Variants in TMED2 observed in about 807,000 individuals in gnomAD.
TMED2 encodes transmembrane p24 trafficking protein 2.
TMED2 carries 3 observed loss-of-function variants against 17.5 expected under a neutral mutation model. The observed-to-expected ratio is 0.17, with a 90% confidence interval of 0.08 to 0.44. The LOEUF is 0.44. Among genes scored for constraint, TMED2 ranks in the 20% least tolerant of loss-of-function variants. The pLI, the probability that TMED2 is intolerant of heterozygous loss-of-function variation, is 0.99. For synonymous variants in TMED2, 95 were observed against 91.0 expected, an observed-to-expected ratio of 1.04 and a Z score of -0.25; for missense variants, 149 against 254.8, an observed-to-expected ratio of 0.58 and a Z score of 2.83.
At position 123,596,798 on chromosome 12, in the gene TMED2, A is replaced by G; in HGVS notation, c.*69A>G. On this transcript the variant is annotated 3_prime_UTR_variant, in exon 4 of 4. Coordinates refer to ENST00000262225, the MANE Select transcript of TMED2 (RefSeq NM_006815.4). The stretch of plus-strand genomic sequence containing the variant: ...CAAACACCTTGGTCATAATAATGTC[A>G]TTAGTTTCTCCATTTTTATTTTCTG... 6.9e-7 allele frequency: 1 copy of G among 1,444,894 alleles called. No individual in the cohort carries two copies. The highest frequency in any genetic ancestry group is 1.4e-5 in the African/African-American group (1 of 69,062). 89.5% of individuals were successfully genotyped at this position (1,444,894 alleles called of 1,614,324 possible). A position where few individuals can be genotyped will look rare whatever the true frequency, so the allele number is the denominator to read the frequency against.
At chr12:123,596,477 A>G (rs1953431619) in intron 3 of TMED2, 128 bp from the exon 4 acceptor site, 1 of 1,214,588 alleles carries the variant, frequency 8.2e-7, no homozygotes. Context: ...TAAGTTGAGG[A>G]ACATCTATTC....
rs1439499212 is a variant in TMED2, at chr12:123,596,752, A to C, written c.*23A>C. On this transcript the variant is annotated 3_prime_UTR_variant, in exon 4 of 4. Transcript: ENST00000262225. ...TAAAAAGCCTCTTCCTGATGATCCCAACTCAGAATTCACTGTTTACCAAAC... is the reference window on the plus strand; with the variant it reads ...TAAAAAGCCTCTTCCTGATGATCCCCACTCAGAATTCACTGTTTACCAAAC... The C allele has an allele frequency of 6.3e-7, 1 of 1,583,218 alleles. No homozygotes were observed. The highest frequency in any genetic ancestry group is 8.6e-7 in the Non-Finnish European group (1 of 1,168,060).
At chr12:123,595,668 A>C (rs1393298073) in intron 3 of TMED2, among the ~76,000 whole-genome samples, 2 of 152,116 alleles carry the variant, frequency 1.3e-5, no homozygotes, top group Admixed American at 1.3e-4. Flanking sequence ...TTTTAACCCT[A>C]GAATTATGAC....
chr12:123,595,010 C>A (rs1265458443), intron 3 of TMED2, among the ~76,000 whole-genome samples: 4 of 152,144 alleles, frequency 2.6e-5, no homozygotes, highest in Non-Finnish European at 5.9e-5. Context: ...AGGCAGATCA[C>A]CTGAGGTTAA....
intron 3 of TMED2, among the ~76,000 whole-genome samples, chr12:123,590,765 C>A (rs1038639813): frequency 1.3e-5 from 2 of 152,144 alleles, no homozygotes; most frequent in Admixed American, 1.3e-4. Flanking sequence ...AGGCGGATCA[C>A]CTGAGGTTGG....
intron 3 of TMED2, among the ~76,000 whole-genome samples, chr12:123,592,190 C>A (rs2135662978): frequency 1.3e-5 from 2 of 152,318 alleles, no homozygotes; most frequent in South Asian, 4.1e-4. Flanking sequence ...CAGCCTCTTG[C>A]CTCACAATTT....
intron 2 of TMED2, 121 bp from the exon 3 acceptor site, chr12:123,590,221 T>C: frequency 1.6e-6 from 1 of 606,430 alleles, no homozygotes; most frequent in Non-Finnish European, 2.6e-6. Context: ...AGGCAGAGGT[T>C]GCAGTGAGCT....
rs541121805 is a variant in TMED2 at position 123,597,326 on chromosome 12, A to C, written c.*597A>C. ...TACATTTTCCCACATACATTTTTACATTGTACCTTAGGACTCAGTCATCTC... is the reference window on the plus strand; with the variant it reads ...TACATTTTCCCACATACATTTTTACCTTGTACCTTAGGACTCAGTCATCTC... On this transcript the variant is annotated 3_prime_UTR_variant, in exon 4 of 4. Coordinates refer to ENST00000262225, the MANE Select transcript of TMED2 (RefSeq NM_006815.4). 6.6e-6 allele frequency: 1 copy of C among 152,188 alleles called. No individual in the cohort carries two copies. Among genetic ancestry groups the C allele is most frequent in the Non-Finnish European group, 1.5e-5 (1 of 68,054 alleles). 9.4% of individuals were successfully genotyped at this position (152,188 alleles called of 1,614,324 possible).
At chr12:123,589,174 G>C (rs34369761) in intron 2 of TMED2, among the ~76,000 whole-genome samples, 47,404 of 152,124 alleles carry the variant, frequency 0.31, 7,777 homozygotes, top group African/African-American at 0.39. Flanking sequence ...AGGGATGCCT[G>C]GTTGAAAACT....
intron 3 of TMED2, among the ~76,000 whole-genome samples, chr12:123,594,189 C>G (rs1488828786): frequency 6.7e-6 from 1 of 149,926 alleles, no homozygotes; most frequent in African/African-American, 2.5e-5. Context: ...GGCAGGAGTG[C>G]AGTGGTGCAA....
chr12:123,598,156 A>G lies in TMED2; in HGVS notation c.*1427A>G, dbSNP rs1419525977. 6.6e-6 allele frequency: 1 copy of G among 152,498 alleles called. No individual in the cohort carries two copies. The highest frequency in any genetic ancestry group is 1.5e-5 in the Non-Finnish European group (1 of 68,026). The allele number at this position is 152,498 out of a possible 1,614,324, so 9.4% of individuals were successfully genotyped here. A position where few individuals can be genotyped will look rare whatever the true frequency, so the allele number is the denominator to read the frequency against. On this transcript the variant is annotated 3_prime_UTR_variant, in exon 4 of 4. Transcript: ENST00000262225. ...TTTTAAAAACAGTATTCTGTGTTTTATATATTGACAGCTAATCCACATTTT... is the reference window on the plus strand; with the variant it reads ...TTTTAAAAACAGTATTCTGTGTTTTGTATATTGACAGCTAATCCACATTTT...
chr12:123,591,471 G>A (rs144162779), intron 3 of TMED2, among the ~76,000 whole-genome samples: 1 of 152,270 alleles, frequency 6.6e-6, no homozygotes, highest in East Asian at 1.9e-4. Context: ...CATCCTCCAG[G>A]TAGTTCTTGG....
chr12:123,587,887 T>C (rs1593637574), intron 2 of TMED2, among the ~76,000 whole-genome samples: 1 of 152,212 alleles, frequency 6.6e-6, no homozygotes, highest in African/African-American at 2.4e-5. Flanking sequence ...CTTTGTTCTT[T>C]AAGATGAATG....
At position 123,586,822 on chromosome 12, in the gene TMED2, A is replaced by G. The variant is rs1373524002; in HGVS notation, c.256A>G (p.Met86Val). 1.2e-6 allele frequency: 2 copies of G among 1,613,864 alleles called. No individual in the cohort carries two copies. Among genetic ancestry groups the G allele is most frequent in the Non-Finnish European group, 1.7e-6 (2 of 1,179,926 alleles). ...SSGKYTFAAH[M>V]DGTYKFCFSN... ...TGGGAAATACACATTTGCTGCTCAC[A>G]TGGATGGAACATACAAATTTTGTTT... The change falls in exon 2 of 4, where the codon ATG becomes GTG. Residue 86 changes from methionine to valine, a missense_variant. By Grantham distance (21) the Met-to-Val change is conservative. Coordinates refer to ENST00000262225, the MANE Select transcript of TMED2 (RefSeq NM_006815.4).
At chr12:123,589,748 TTATTTTA>T (rs1247486757) in intron 2 of TMED2, among the ~76,000 whole-genome samples, 3 of 151,602 alleles carry the variant, frequency 2.0e-5, no homozygotes, top group Non-Finnish European at 2.9e-5. Flanking sequence ...TTATTTTATA[TTATTTTA>T]TATTTTATAT....
chr12:123,587,127 T>C (rs894983599), intron 2 of TMED2, among the ~76,000 whole-genome samples, 188 bp downstream of exon 2: 1 of 152,128 alleles, frequency 6.6e-6, no homozygotes, highest in Non-Finnish European at 1.5e-5. Flanking sequence ...CTAGTGTTTG[T>C]TTTTTTGTTG....
At chr12:123,585,082 G>A (rs1886315065) in intron 1 of TMED2, 3 of 433,556 alleles carry the variant, frequency 6.9e-6, no homozygotes, top group Admixed American at 3.5e-5. Flanking sequence ...CTTGAACGAC[G>A]GGTTCCTGTT....
intron 1 of TMED2, chr12:123,586,073 A>G (rs777244513): frequency 7.2e-5 from 11 of 152,174 alleles, no homozygotes; most frequent in Non-Finnish European, 1.6e-4. Flanking sequence ...GAAATTCTTT[A>G]TTTTAAAGAG....
At position 123,597,359 on chromosome 12, in the gene TMED2, A is replaced by G. The variant is rs1377853272; in HGVS notation, c.*630A>G. On this transcript the variant is annotated 3_prime_UTR_variant, in exon 4 of 4. Transcript: ENST00000262225. ...TTAGGACTCAGTCATCTCCACTTAA[A>G]TTGATGACACAAGCAGCTAATAACC... 1.3e-5 allele frequency: 2 copies of G among 152,208 alleles called. No homozygotes were observed. The highest frequency in any genetic ancestry group is 6.5e-5 in the Admixed American group (1 of 15,284). 9.4% of individuals were successfully genotyped at this position (152,208 alleles called of 1,614,324 possible).
Sources: allele counts gnomAD v4.1 joint callset (sites outside exome capture counted in the v4.1 genomes callset), GRCh38; gene constraint gnomAD v4.1.1; transcripts MANE v1.5; gene names NCBI Gene and HGNC (gene_info 2026-07-23, HGNC 2026-07-21).